RREB1: variants seen among roughly 807,000 people sequenced by gnomAD.
RREB1 encodes the protein ras responsive element binding protein 1, also known as ras-responsive element-binding protein 1.
RREB1 carries 27 observed loss-of-function variants against 117.8 expected under a neutral mutation model. That is an observed-to-expected ratio of 0.23 (90% CI 0.17 to 0.32). The LOEUF (loss-of-function observed/expected upper bound fraction) is 0.32, where lower values mean the gene tolerates loss of function less well. Ranked by LOEUF, RREB1 falls within the 10% of genes least tolerant of loss-of-function variation. The pLI is 1.00. For missense variants in RREB1, 2,577 were observed against 2,378.2 expected, an observed-to-expected ratio of 1.08 and a Z score of -1.74; for synonymous variants, 1,298 against 1,026.7, an observed-to-expected ratio of 1.26 and a Z score of -5.05.
At chr6:7,190,140 G>T (rs1195340933) in intron 6 of RREB1, among the ~76,000 whole-genome samples, 1 of 152,154 alleles carries the variant, frequency 6.6e-6, no homozygotes, top group African/African-American at 2.4e-5. Flanking sequence ...GTACACATGG[G>T]ACATACTGAT....
intron 6 of RREB1, among the ~76,000 whole-genome samples, chr6:7,209,426 G>A (rs1766458615): frequency 6.6e-6 from 1 of 152,116 alleles, no homozygotes; most frequent in South Asian, 2.1e-4. Context: ...CTGATATTGA[G>A]GGATGGTGTC....
intron 1 of RREB1, chr6:7,140,588 A>G (rs1344640548): frequency 6.6e-6 from 1 of 152,262 alleles, no homozygotes; most frequent in Non-Finnish European, 1.5e-5. Flanking sequence ...AGAAAAGGAC[A>G]CGAACATTTG....
intron 10 of RREB1, among the ~76,000 whole-genome samples, chr6:7,234,379 T>C (rs914135870): frequency 4.6e-5 from 7 of 152,104 alleles, no homozygotes; most frequent in Non-Finnish European, 1.0e-4. Context: ...CACCTCCCCC[T>C]GCTGTCACCC....
intron 1 of RREB1, among the ~76,000 whole-genome samples, chr6:7,155,362 A>G (rs1393009370): frequency 6.6e-6 from 1 of 152,232 alleles, no homozygotes; most frequent in East Asian, 1.9e-4. Flanking sequence ...GCTGGAGTGC[A>G]GTGGCACGAT....
At chr6:7,223,327 C>T (rs1321655408) in intron 8 of RREB1, among the ~76,000 whole-genome samples, 4 of 149,636 alleles carry the variant, frequency 2.7e-5, no homozygotes, top group East Asian at 2.0e-4. Context: ...TTTGGGAGGC[C>T]GAGGCGGGCA....
intron 1 of RREB1, among the ~76,000 whole-genome samples, chr6:7,128,111 C>G (rs1405455396): frequency 1.3e-5 from 2 of 152,078 alleles, no homozygotes; most frequent in Non-Finnish European, 2.9e-5. Context: ...AAAGCTTGTA[C>G]TCATGGACTA....
rs188605955 is a variant in RREB1, at chr6:7,181,752, A to G, written c.-42-118A>G. The G allele has an allele frequency of 2.2e-4, 169 of 772,718 alleles. No homozygotes were observed. In the East Asian group the frequency reaches 3.7e-3, roughly 17 times the overall value. The allele number at this position is 772,718 out of a possible 1,614,324, so 47.9% of individuals were successfully genotyped here. ...GTGAATGTGGCCTTTAACTGGAGAA[A>G]GACAGCGTTGGATGTTTTTGACCTG... On this transcript the variant is annotated intron_variant, in intron 3 of 12. Coordinates refer to ENST00000379938, the MANE Select transcript of RREB1 (RefSeq NM_001003699.4).
intron 1 of RREB1, among the ~76,000 whole-genome samples, chr6:7,166,614 G>GGCGAGGAAAGAT (rs1763941330): frequency 1.3e-5 from 2 of 152,284 alleles, no homozygotes; most frequent in Non-Finnish European, 2.9e-5. Context: ...TTTTCCAATG[G>GGCGAGGAAAGAT]GCGAGGAAAG....
intron 11 of RREB1, among the ~76,000 whole-genome samples, chr6:7,241,935 A>G (rs979263162): frequency 1.3e-5 from 2 of 149,684 alleles, no homozygotes; most frequent in African/African-American, 4.8e-5. Context: ...GCCAAAGATG[A>G]CCTGGAGTTC....
chr6:7,157,003 TCTGACTGCCGCTGGGCTGC>T (rs1417004518), intron 1 of RREB1, among the ~76,000 whole-genome samples: 2 of 152,218 alleles, frequency 1.3e-5, no homozygotes, highest in Non-Finnish European at 2.9e-5. Context: ...ACTTTGTCTG[TCTGACTGCCGCTGGGCTGC>T]CTTGCCCCAG....
chr6:7,211,903 G>T, intron 8 of RREB1, 194 bp downstream of exon 8: 1 of 607,312 alleles, frequency 1.6e-6, no homozygotes, highest in Non-Finnish European at 2.9e-6. Flanking sequence ...TGTATCCACA[G>T]GGTGTTCACA....
chr6:7,173,073 G>T (rs1011145011), intron 1 of RREB1, among the ~76,000 whole-genome samples: 3 of 152,122 alleles, frequency 2.0e-5, no homozygotes, highest in African/African-American at 4.8e-5. Flanking sequence ...TACATAGTAT[G>T]GATCAGCCAT....
chr6:7,110,582 A>C (rs1761094780), intron 1 of RREB1, among the ~76,000 whole-genome samples: 1 of 152,084 alleles, frequency 6.6e-6, no homozygotes, highest in South Asian at 2.1e-4. Context: ...CTTTGGTTAC[A>C]CTGATGAATT....
At chr6:7,130,452 T>C (rs1387069005) in intron 1 of RREB1, among the ~76,000 whole-genome samples, 1 of 152,108 alleles carries the variant, frequency 6.6e-6, no homozygotes, top group Non-Finnish European at 1.5e-5. Flanking sequence ...TCCCACTGTG[T>C]GGGCAAACTG....
At chr6:7,134,303 G>A (rs886411932) in intron 1 of RREB1, among the ~76,000 whole-genome samples, 2 of 152,204 alleles carry the variant, frequency 1.3e-5, no homozygotes, top group African/African-American at 4.8e-5. Flanking sequence ...AAATTGAGCA[G>A]TTCAAAAAGT....
Position 7,211,338 on chromosome 6 carries a change from A to ATG in RREB1, c.571-235_571-234insTG, listed in dbSNP as rs1554124720. ...AGGGTGGGTGGATGGATGGATGGAC[A>ATG]GATGGATGGATGGATGGATGGATGG... On this transcript the variant is annotated intron_variant, in intron 7 of 12. Transcript: ENST00000379938. 3.5e-3 allele frequency among the ~76,000 whole-genome samples: 418 copies of ATG among 118,674 alleles called. 19 individuals carry two copies. The East Asian group carries it at 0.082, about 23-fold the overall frequency. The allele number at this position is 118,674 out of a possible 152,430, so 77.9% of individuals were successfully genotyped here. A position where few individuals can be genotyped will look rare whatever the true frequency, so the allele number is the denominator to read the frequency against.
intron 6 of RREB1, among the ~76,000 whole-genome samples, chr6:7,196,830 G>T (rs1406770149): frequency 6.6e-6 from 1 of 152,158 alleles, no homozygotes; most frequent in East Asian, 1.9e-4. Context: ...ATGTGTTTGA[G>T]GTTTGAAAAT....
Position 7,248,934 on chromosome 6 carries a change from C to A in RREB1, c.5195C>A (p.Ala1732Asp). The A allele has an allele frequency of 6.6e-7, 1 of 1,508,982 alleles. No homozygotes were observed. Among genetic ancestry groups the A allele is most frequent in the Non-Finnish European group, 8.8e-7 (1 of 1,130,948 alleles). 93.5% of individuals were successfully genotyped at this position (1,508,982 alleles called of 1,614,324 possible). A position where few individuals can be genotyped will look rare whatever the true frequency, so the allele number is the denominator to read the frequency against. The change falls in exon 13 of 13, where the codon GCT becomes GAT. Residue 1732 changes from alanine to aspartate, a missense_variant. Ala to Asp is a moderately radical substitution (Grantham distance 126). Transcript: ENST00000379938. ...CCTGCCCACCCAATCCTGGCCACAG[C>A]TGATGGCGCCTCCCAGCTCGTGGGG... ...KRPAHPILAT[A>D]DGASQLVGME
rs781391870 is a variant in RREB1, at chr6:7,187,469, C to G, written c.207C>G (p.Pro69=). The G allele has an allele frequency of 3.5e-5, 57 of 1,605,838 alleles. No individual in the cohort carries two copies. The highest frequency in any genetic ancestry group is 4.7e-5 in the Non-Finnish European group (55 of 1,174,320). Reference sequence around the variant, plus strand: ...AGGAGAAGTCTTCCTATAACTGCCCCCTGTGTGAGAAGATTTGCACTACCC... The same window carrying G: ...AGGAGAAGTCTTCCTATAACTGCCCGCTGTGTGAGAAGATTTGCACTACCC... ...TKEEKSSYNC[P]LCEKICTTQH... Residue 69 remains proline, a synonymous_variant, in exon 5 of 13, where the codon CCC becomes CCG. Coordinates refer to ENST00000379938, the MANE Select transcript of RREB1 (RefSeq NM_001003699.4).
Sources: gnomAD v4.1 joint callset for allele counts (sites outside exome capture counted in the v4.1 genomes callset) on GRCh38, gnomAD v4.1.1 for gene constraint, MANE v1.5 for transcripts, NCBI Gene and HGNC (gene_info 2026-07-23, HGNC 2026-07-21) for gene names.